GREB1L: variants seen among roughly 807,000 people sequenced by gnomAD.
GREB1L encodes GREB1-like protein.
A neutral mutation model predicts 200.8 loss-of-function variants in GREB1L; 17 were observed. The ratio of observed to expected loss-of-function variants is 0.08; its 90% CI spans 0.06 to 0.13. The LOEUF is 0.13. Among genes scored for constraint, GREB1L ranks in the 10% least tolerant of loss-of-function variants. The pLI is 1.00. For synonymous variants in GREB1L, 789 were observed against 893.0 expected, an observed-to-expected ratio of 0.88 and a Z score of 2.08; for missense variants, 1,657 against 2,367.7, an observed-to-expected ratio of 0.70 and a Z score of 6.23.
chr18:21,499,158 A>G (rs1207812920), intron 21 of GREB1L, among the ~76,000 whole-genome samples: 1 of 152,202 alleles, frequency 6.6e-6, no homozygotes, highest in Non-Finnish European at 1.5e-5. Context: ...CTGAAGCCAG[A>G]GGCATGAGGC....
intron 7 of GREB1L, among the ~76,000 whole-genome samples, chr18:21,420,432 A>G (rs554148661): frequency 9.5e-4 from 144 of 152,232 alleles, no homozygotes; most frequent in African/African-American, 3.4e-3. Context: ...TGCAAAGCAT[A>G]TAAAGGGATT....
intron 15 of GREB1L, among the ~76,000 whole-genome samples, chr18:21,457,760 A>G (rs1202022375): frequency 6.6e-6 from 1 of 152,210 alleles, no homozygotes; most frequent in Non-Finnish European, 1.5e-5. Flanking sequence ...GACTAGAAGC[A>G]TGTTAAAATG....
rs1432415168 is a variant in GREB1L at position 21,401,304 on chromosome 18, A to G, written c.687A>G (p.Lys229=). ...LVRSSQGVLS[K]GPLICWKECR... ...GAAGCTCCCAGGGTGTACTGTCTAA[A>G]GGACCTCTTATCTGCTGGAAAGGTA... Residue 229 remains lysine (K), a synonymous_variant, in exon 6 of 33, where the codon AAA becomes AAG. Transcript: ENST00000424526. The G allele has an allele frequency of 2.6e-6, 4 of 1,551,124 alleles. No homozygotes were observed. The highest frequency in any genetic ancestry group is 3.5e-6 in the Non-Finnish European group (4 of 1,146,798).
At position 21,496,493 on chromosome 18, in the gene GREB1L, C is replaced by G. The variant is rs1256949999; in HGVS notation, c.3186C>G (p.Ser1062Arg). Residue 1062 changes from serine (S) to arginine (R), a missense_variant, in exon 21 of 33, where the codon AGC becomes AGG. Ser to Arg is a moderately radical substitution (Grantham distance 110). Coordinates refer to ENST00000424526, the MANE Select transcript of GREB1L (RefSeq NM_001142966.3). ...KYCDLRLIDSSYLTRTALEQE... is the reference protein window; with the variant it reads ...KYCDLRLIDSRYLTRTALEQE... The stretch of plus-strand genomic sequence containing the variant: ...GTGACCTCCGGTTAATTGACTCAAG[C>G]TATTTAACTCGCACGGCCTTGGAGC... The G allele has an allele frequency of 6.4e-7, 1 of 1,551,714 alleles. No individual in the cohort carries two copies. The highest frequency in any genetic ancestry group is 2.0e-5 in the Admixed American group (1 of 51,006).
intron 1 of GREB1L, among the ~76,000 whole-genome samples, chr18:21,333,799 C>G (rs1328947943): frequency 6.6e-6 from 1 of 151,614 alleles, no homozygotes; most frequent in Admixed American, 6.6e-5. Flanking sequence ...CTGGGCCACA[C>G]AGCAAGACCC....
At chr18:21,451,841 G>C (rs146849372) in intron 13 of GREB1L, among the ~76,000 whole-genome samples, 7 of 152,038 alleles carry the variant, frequency 4.6e-5, no homozygotes, top group African/African-American at 1.7e-4. Flanking sequence ...TTGAGTATTA[G>C]GGAAGTCAAG....
At chr18:21,312,714 C>T (rs1167578621) in intron 1 of GREB1L, among the ~76,000 whole-genome samples, 2 of 152,016 alleles carry the variant, frequency 1.3e-5, no homozygotes, top group East Asian at 3.9e-4. Context: ...CCACCATGCC[C>T]AACTAATTTT....
At chr18:21,447,587 T>C (rs1027489252) in intron 11 of GREB1L, among the ~76,000 whole-genome samples, 1 of 152,212 alleles carries the variant, frequency 6.6e-6, no homozygotes, top group Admixed American at 6.5e-5. Flanking sequence ...GTGAGTCTTA[T>C]GGACTACTAA....
chr18:21,442,144 G>A (rs756165908), intron 10 of GREB1L, among the ~76,000 whole-genome samples: 6 of 152,184 alleles, frequency 3.9e-5, no homozygotes, highest in Admixed American at 2.6e-4. Flanking sequence ...GTCTACAAGT[G>A]GAGGTATAGA....
At chr18:21,489,430 C>A (rs1321773650) in intron 18 of GREB1L, among the ~76,000 whole-genome samples, 1 of 152,130 alleles carries the variant, frequency 6.6e-6, no homozygotes, top group African/African-American at 2.4e-5. Context: ...TAATAATTAC[C>A]CTTTTTATGT....
At chr18:21,325,773 C>A (rs549551910) in intron 1 of GREB1L, among the ~76,000 whole-genome samples, 1 of 144,058 alleles carries the variant, frequency 6.9e-6, no homozygotes, top group Admixed American at 7.2e-5. Context: ...TGAATTATGC[C>A]ACTGCCCTCC....
intron 31 of GREB1L, among the ~76,000 whole-genome samples, chr18:21,519,874 T>A (rs1264123564): frequency 6.6e-6 from 1 of 152,122 alleles, no homozygotes; most frequent in African/African-American, 2.4e-5. Flanking sequence ...GCAGTTATCA[T>A]CTGTTCACAG....
At chr18:21,399,702 G>A (rs1788417611) in intron 5 of GREB1L, among the ~76,000 whole-genome samples, 1 of 152,170 alleles carries the variant, frequency 6.6e-6, no homozygotes. Flanking sequence ...GCGGTAATAA[G>A]TTGTTAATTC....
intron 1 of GREB1L, among the ~76,000 whole-genome samples, chr18:21,332,569 G>A (rs1331191930): frequency 6.6e-6 from 1 of 152,042 alleles, no homozygotes; most frequent in African/African-American, 2.4e-5. Context: ...CCACTTCCTG[G>A]GTTTAAGCGA....
intron 1 of GREB1L, among the ~76,000 whole-genome samples, chr18:21,310,630 C>T (rs942053767): frequency 4.6e-5 from 7 of 151,926 alleles, no homozygotes; most frequent in African/African-American, 9.7e-5. Context: ...TTGACTTTAC[C>T]GACACCCTGA....
chr18:21,476,782 T>C (rs2035719278), intron 16 of GREB1L, among the ~76,000 whole-genome samples: 1 of 152,020 alleles, frequency 6.6e-6, no homozygotes, highest in East Asian at 1.9e-4. Flanking sequence ...TTTCACCATG[T>C]TGGCCAGGCT....
chr18:21,507,784 T>C (rs2037075088), intron 25 of GREB1L, among the ~76,000 whole-genome samples: 1 of 152,182 alleles, frequency 6.6e-6, no homozygotes, highest in Admixed American at 6.5e-5. Flanking sequence ...TAGGAATGCA[T>C]ACAGAGCAGG....
intron 7 of GREB1L, among the ~76,000 whole-genome samples, chr18:21,409,762 A>G (rs556643056): frequency 6.6e-6 from 1 of 152,300 alleles, no homozygotes. Flanking sequence ...GGGCAAGCCA[A>G]TCAATTTTTC....
At chr18:21,494,975 T>TA (rs2036491029) in intron 19 of GREB1L, among the ~76,000 whole-genome samples, 1 of 152,220 alleles carries the variant, frequency 6.6e-6, no homozygotes, top group Non-Finnish European at 1.5e-5. Flanking sequence ...GAAAAATTGA[T>TA]ACTTAATAGG....
Sources: gnomAD v4.1 joint callset for allele counts (sites outside exome capture counted in the v4.1 genomes callset) on GRCh38, gnomAD v4.1.1 for gene constraint, MANE v1.5 for transcripts, NCBI Gene and HGNC (gene_info 2026-07-23, HGNC 2026-07-21) for gene names.